The following GALNT17 variants were observed in gnomAD, a reference collection of about 807,000 sequenced individuals.
GALNT17 encodes polypeptide N-acetylgalactosaminyltransferase 17, also known as UDP-GalNAc:polypeptide N-acetylgalactosaminyltransferase-like 3.
A neutral mutation model predicts 63.7 loss-of-function variants in GALNT17; 29 were observed. The ratio of observed to expected loss-of-function variants is 0.46; its 90% CI spans 0.34 to 0.62. The LOEUF (loss-of-function observed/expected upper bound fraction) is 0.62, where lower values mean the gene tolerates loss of function less well. Ranked by LOEUF, GALNT17 falls within the 20% of genes least tolerant of loss-of-function variation. The pLI, the probability that GALNT17 is intolerant of heterozygous loss-of-function variation, is 0.01. For synonymous variants in GALNT17, 305 were observed against 318.3 expected (o/e 0.96, Z 0.45); for missense variants, 603 against 799.6 (o/e 0.75, Z 2.97).
At chr7:71,674,086 T>A (rs1363389920) in intron 8 of GALNT17, among the ~76,000 whole-genome samples, 1 of 152,200 alleles carries the variant, frequency 6.6e-6, no homozygotes, top group Non-Finnish European at 1.5e-5. Context: ...AGAGAAGCCT[T>A]TTGTTTTTAC....
intron 1 of GALNT17, among the ~76,000 whole-genome samples, chr7:71,199,756 C>CTCCA (rs1789132556): frequency 1.3e-5 from 2 of 150,952 alleles, no homozygotes; most frequent in Admixed American, 6.6e-5. Flanking sequence ...CATTAGCTCA[C>CTCCA]TCCATCCATC....
At chr7:71,199,417 C>A (rs1326868310) in intron 1 of GALNT17, among the ~76,000 whole-genome samples, 21 of 152,096 alleles carry the variant, frequency 1.4e-4, no homozygotes. Flanking sequence ...ATCTGTCTGT[C>A]CACTGGCCCA....
At chr7:71,545,044 G>T (rs1227780583) in intron 5 of GALNT17, among the ~76,000 whole-genome samples, 1 of 152,092 alleles carries the variant, frequency 6.6e-6, no homozygotes, top group Admixed American at 6.5e-5. Flanking sequence ...CTAGTGGCTG[G>T]CTGGCTAGGG....
chr7:71,611,659 G>A (rs950084178), intron 6 of GALNT17, among the ~76,000 whole-genome samples: 1 of 151,758 alleles, frequency 6.6e-6, no homozygotes. Context: ...AAAAAAACAC[G>A]CACTTGCATG....
At chr7:71,435,577 T>G (rs1223193134) in intron 5 of GALNT17, among the ~76,000 whole-genome samples, 1 of 152,182 alleles carries the variant, frequency 6.6e-6, no homozygotes, top group Non-Finnish European at 1.5e-5. Flanking sequence ...CACCCAGATC[T>G]ATAAACTAGT....
intron 9 of GALNT17, among the ~76,000 whole-genome samples, chr7:71,678,808 A>G (rs1321072458): frequency 2.2e-5 from 3 of 136,370 alleles, no homozygotes; most frequent in Non-Finnish European, 3.2e-5. Flanking sequence ...AAAAAAAAAA[A>G]TTAGCCAGGC....
At chr7:71,689,224 G>A (rs1791406971) in intron 9 of GALNT17, among the ~76,000 whole-genome samples, 1 of 151,972 alleles carries the variant, frequency 6.6e-6, no homozygotes, top group Non-Finnish European at 1.5e-5. Context: ...TTGAAATTCA[G>A]CCAATTAACA....
chr7:71,398,164 A>G (rs893756483), intron 3 of GALNT17, among the ~76,000 whole-genome samples: 3 of 152,040 alleles, frequency 2.0e-5, no homozygotes, highest in South Asian at 2.1e-4. Flanking sequence ...TCTATTGTCT[A>G]TCCATTTTTG....
At chr7:71,323,221 C>T (rs540379166) in intron 1 of GALNT17, among the ~76,000 whole-genome samples, 10 of 152,184 alleles carry the variant, frequency 6.6e-5, no homozygotes, top group African/African-American at 2.4e-4. Flanking sequence ...CAAAGGTACC[C>T]ATTTTTGAAA....
intron 3 of GALNT17, among the ~76,000 whole-genome samples, chr7:71,414,944 C>G (rs1793497180): frequency 6.6e-6 from 1 of 152,120 alleles, no homozygotes; most frequent in African/African-American, 2.4e-5. Flanking sequence ...CCTCCTTTTC[C>G]TCCCTATACC....
At chr7:71,175,798 G>T (rs1379908704) in intron 1 of GALNT17, among the ~76,000 whole-genome samples, 1 of 152,182 alleles carries the variant, frequency 6.6e-6, no homozygotes, top group African/African-American at 2.4e-5. Context: ...CTACTCAGAA[G>T]GCTAAGGCAG....
chr7:71,474,835 C>T (rs1192561957), intron 5 of GALNT17, among the ~76,000 whole-genome samples: 4 of 152,168 alleles, frequency 2.6e-5, no homozygotes, highest in Non-Finnish European at 5.9e-5. Flanking sequence ...GATTCATTCA[C>T]TCCACAACAG....
In GALNT17 at chr7:71,559,715, G is replaced by A. The variant is rs546936337; in HGVS notation, c.963-11570G>A. ...TGTTTCTACCAAAAGGAAACAATTCGCAGGGCATGGTGGTGTGTGCCTATA... is the reference window on the plus strand; with the variant it reads ...TGTTTCTACCAAAAGGAAACAATTCACAGGGCATGGTGGTGTGTGCCTATA... On this transcript the variant is annotated intron_variant, in intron 5 of 10. Coordinates refer to ENST00000333538, the MANE Select transcript of GALNT17 (RefSeq NM_022479.3). Among the ~76,000 whole-genome samples the A allele has an allele frequency of 1.1e-4, 16 of 151,562 alleles. 1 individual carries two copies. The highest frequency in any genetic ancestry group is 2.7e-4 in the African/African-American group (11 of 41,318).
chr7:71,301,510 A>G (rs1791197943), intron 1 of GALNT17, among the ~76,000 whole-genome samples: 1 of 151,098 alleles, frequency 6.6e-6, no homozygotes, highest in African/African-American at 2.4e-5. Flanking sequence ...AGAGGGATTT[A>G]CTTTTGCCAT....
At chr7:71,499,675 C>A (rs1788149647) in intron 5 of GALNT17, among the ~76,000 whole-genome samples, 1 of 152,190 alleles carries the variant, frequency 6.6e-6, no homozygotes, top group Non-Finnish European at 1.5e-5. Context: ...GAAATGCACT[C>A]CCGATTTCTC....
At chr7:71,411,153 C>G (rs555327122) in intron 3 of GALNT17, among the ~76,000 whole-genome samples, 70 of 151,910 alleles carry the variant, frequency 4.6e-4, no homozygotes, top group African/African-American at 1.6e-3. Context: ...GAGAGTCTCG[C>G]TCTGTCACCC....
intron 5 of GALNT17, among the ~76,000 whole-genome samples, chr7:71,515,803 A>T (rs771923398): frequency 4.6e-5 from 7 of 152,168 alleles, no homozygotes; most frequent in Non-Finnish European, 8.8e-5. Context: ...AAGAGACAAA[A>T]ATTACAGTAG....
intron 3 of GALNT17, among the ~76,000 whole-genome samples, chr7:71,406,634 T>C (rs898527237): frequency 6.6e-6 from 1 of 152,136 alleles, no homozygotes; most frequent in Non-Finnish European, 1.5e-5. Flanking sequence ...ATAATATTTT[T>C]AAAATATTTT....
At chr7:71,679,835 G>A (rs752151454) in intron 9 of GALNT17, among the ~76,000 whole-genome samples, 12 of 151,934 alleles carry the variant, frequency 7.9e-5, no homozygotes, top group Non-Finnish European at 1.8e-4. Context: ...CAGATCTCCG[G>A]TGGGGTCTGA....
Sources: gnomAD v4.1 joint callset for allele counts (sites outside exome capture counted in the v4.1 genomes callset) on GRCh38, gnomAD v4.1.1 for gene constraint, MANE v1.5 for transcripts, NCBI Gene and HGNC (gene_info 2026-07-23, HGNC 2026-07-21) for gene names.